PCOLCE2: variants seen among roughly 807,000 people sequenced by gnomAD.
PCOLCE2 encodes the protein procollagen C-endopeptidase enhancer 2.
In PCOLCE2, 42 loss-of-function variants were observed where a neutral mutation model predicts 47.0. That is an observed-to-expected ratio of 0.89 (90% CI 0.70 to 1.16). The LOEUF (loss-of-function observed/expected upper bound fraction) is 1.16, where lower values mean the gene tolerates loss of function less well. PCOLCE2 is among the 50% of genes most tolerant of loss of function. PCOLCE2 has a pLI of 0.00. For missense variants in PCOLCE2, 500 were observed against 526.1 expected (o/e 0.95, Z 0.49); for synonymous variants, 169 against 191.7 (o/e 0.88, Z 0.98).
intron 2 of PCOLCE2, among the ~76,000 whole-genome samples, chr3:142,862,773 T>C (rs950477279): frequency 6.6e-6 from 1 of 152,156 alleles, no homozygotes; most frequent in Non-Finnish European, 1.5e-5. Context: ...AAGACAGCTA[T>C]ACTACCATCT....
At chr3:142,859,854 A>G (rs1933145716) in intron 2 of PCOLCE2, among the ~76,000 whole-genome samples, 1 of 152,194 alleles carries the variant, frequency 6.6e-6, no homozygotes, top group Admixed American at 6.5e-5. Flanking sequence ...AGCTATACTG[A>G]TATTTTATTA....
At chr3:142,821,350 A>T (rs1469366376) in intron 7 of PCOLCE2, among the ~76,000 whole-genome samples, 1 of 152,190 alleles carries the variant, frequency 6.6e-6, no homozygotes, top group Non-Finnish European at 1.5e-5. Flanking sequence ...CTTGATTGTC[A>T]CATAGGGGAT....
chr3:142,825,243 C>A (rs1937062464), intron 6 of PCOLCE2, among the ~76,000 whole-genome samples: 1 of 152,144 alleles, frequency 6.6e-6, no homozygotes, highest in Non-Finnish European at 1.5e-5. Context: ...GCTTCTCAGC[C>A]TCCGAAGGTC....
At chr3:142,881,914 A>G (rs1933629606) in intron 2 of PCOLCE2, among the ~76,000 whole-genome samples, 1 of 152,118 alleles carries the variant, frequency 6.6e-6, no homozygotes, top group Non-Finnish European at 1.5e-5. Flanking sequence ...TAAATAAGAA[A>G]AATTTTGCCA....
chr3:142,865,437 A>T (rs1191754532), intron 2 of PCOLCE2, among the ~76,000 whole-genome samples: 1 of 152,040 alleles, frequency 6.6e-6, no homozygotes, highest in Non-Finnish European at 1.5e-5. Context: ...GGTTTCATAC[A>T]TCCATTTTAC....
chr3:142,843,078 A>G, intron 3 of PCOLCE2, 30 bp from the exon 4 acceptor site: 1 of 1,608,056 alleles, frequency 6.2e-7, no homozygotes, highest in Non-Finnish European at 8.5e-7. Context: ...AAAAAAGCCC[A>G]CAAGTTTATG....
chr3:142,875,613 A>T (rs1265060572), intron 2 of PCOLCE2, among the ~76,000 whole-genome samples: 1 of 152,206 alleles, frequency 6.6e-6, no homozygotes, highest in East Asian at 1.9e-4. Context: ...AGACCGATGA[A>T]GAGGAAATCT....
intron 6 of PCOLCE2, chr3:142,826,996 C>A: frequency 1.5e-6 from 1 of 649,052 alleles, no homozygotes; most frequent in Non-Finnish European, 2.7e-6. Flanking sequence ...TCAATCTCTG[C>A]CTAGGTCATC....
chr3:142,831,330 GC>G (rs898328809), intron 5 of PCOLCE2, among the ~76,000 whole-genome samples: 1 of 152,158 alleles, frequency 6.6e-6, no homozygotes, highest in Non-Finnish European at 1.5e-5. Flanking sequence ...AGCATGCTCT[GC>G]CCCCCTTGCC....
At chr3:142,835,299 T>C (rs1185042465) in intron 5 of PCOLCE2, among the ~76,000 whole-genome samples, 1 of 152,214 alleles carries the variant, frequency 6.6e-6, no homozygotes, top group Non-Finnish European at 1.5e-5. Flanking sequence ...AATTATTACA[T>C]CTGCCTGATA....
intron 2 of PCOLCE2, among the ~76,000 whole-genome samples, chr3:142,872,276 T>C (rs1401077247): frequency 6.6e-6 from 1 of 152,140 alleles, no homozygotes; most frequent in African/African-American, 2.4e-5. Flanking sequence ...TCCTGGATAG[T>C]CCCTTTGTAA....
At chr3:142,822,773 G>A (rs894582692) in intron 7 of PCOLCE2, among the ~76,000 whole-genome samples, 4 of 152,178 alleles carry the variant, frequency 2.6e-5, no homozygotes, top group African/African-American at 9.7e-5. Flanking sequence ...CAGCTCGTCT[G>A]GACTACAGAA....
intron 3 of PCOLCE2, chr3:142,846,798 GAAT>G (rs1937333184): frequency 6.6e-6 from 1 of 151,972 alleles, no homozygotes; most frequent in Non-Finnish European, 1.5e-5. Context: ...TTTATCTCTA[GAAT>G]TATTAATTTA....
Position 142,823,525 on chromosome 3 carries a change from T to A in PCOLCE2, c.949+7A>T. 1 of 1,567,712 alleles carries A rather than the reference T, an allele frequency of 6.4e-7. No homozygotes were observed. Among genetic ancestry groups the A allele is most frequent in the Non-Finnish European group, 8.8e-7 (1 of 1,140,660 alleles). On this transcript the variant is annotated splice_region_variant and intron_variant, in intron 7 of 8. Transcript: ENST00000295992. ...TAAAGAGAAAAAGACTGGCTTTTAT[T>A]TCTTACCAAAGTCACTTGAACAATA...
At chr3:142,876,702 G>T (rs1377341007) in intron 2 of PCOLCE2, among the ~76,000 whole-genome samples, 2 of 152,150 alleles carry the variant, frequency 1.3e-5, no homozygotes, top group Non-Finnish European at 2.9e-5. Context: ...ACTACTAGGA[G>T]CTTTCTGGGC....
intron 6 of PCOLCE2, among the ~76,000 whole-genome samples, chr3:142,826,862 C>A (rs1937085541): frequency 6.6e-6 from 1 of 152,110 alleles, no homozygotes; most frequent in Non-Finnish European, 1.5e-5. Flanking sequence ...CACCACACAT[C>A]CTCCCAGTTC....
chr3:142,859,703 C>A (rs573778809), intron 2 of PCOLCE2, among the ~76,000 whole-genome samples: 36 of 151,718 alleles, frequency 2.4e-4, no homozygotes, highest in Admixed American at 1.8e-3. Context: ...GTAGCTGGGA[C>A]TACAGGCACA....
intron 4 of PCOLCE2, among the ~76,000 whole-genome samples, chr3:142,841,178 A>G (rs1937261557): frequency 1.3e-5 from 2 of 152,174 alleles, no homozygotes; most frequent in Non-Finnish European, 2.9e-5. Context: ...AAATGATGGT[A>G]AGGTAATTCT....
intron 2 of PCOLCE2, among the ~76,000 whole-genome samples, chr3:142,860,478 G>A (rs776820882): frequency 1.3e-5 from 2 of 151,548 alleles, no homozygotes; most frequent in African/African-American, 4.9e-5. Flanking sequence ...TCGCGATCTC[G>A]GCTCACTGCA....
Sources: allele counts gnomAD v4.1 joint callset (sites outside exome capture counted in the v4.1 genomes callset), GRCh38; gene constraint gnomAD v4.1.1; transcripts MANE v1.5; gene names NCBI Gene and HGNC (gene_info 2026-07-23, HGNC 2026-07-21).